Variants in NOS1AP observed in about 807,000 individuals in gnomAD.
NOS1AP encodes nitric oxide synthase 1 adaptor protein.
A neutral mutation model predicts 56.2 loss-of-function variants in NOS1AP; 21 were observed. The observed-to-expected ratio is 0.37, with a 90% CI of 0.26 to 0.54. The LOEUF is 0.54. NOS1AP is among the 20% of genes least tolerant of loss of function. NOS1AP has a pLI of 0.84. For missense variants in NOS1AP, 522 were observed against 657.8 expected (o/e 0.79, Z 2.26); for synonymous variants, 270 against 274.6 (o/e 0.98, Z 0.17).
At chr1:162,348,885 C>T (rs1657391818) in intron 6 of NOS1AP, among the ~76,000 whole-genome samples, 1 of 152,178 alleles carries the variant, frequency 6.6e-6, no homozygotes, top group Admixed American at 6.5e-5. Flanking sequence ...GGCCTTTGCT[C>T]TATTAAGACC....
At chr1:162,354,582 C>T (rs1371503505) in intron 6 of NOS1AP, among the ~76,000 whole-genome samples, 1 of 152,206 alleles carries the variant, frequency 6.6e-6, no homozygotes, top group African/African-American at 2.4e-5. Flanking sequence ...CGTGCCACTT[C>T]CTGCAGGCGT....
At chr1:162,094,164 A>T (rs1337060) in intron 1 of NOS1AP, among the ~76,000 whole-genome samples, 94,718 of 151,988 alleles carry the variant, frequency 0.62, 29,871 homozygotes, top group Non-Finnish European at 0.67. Flanking sequence ...AGGAGTGAGT[A>T]GTTACCCTCT....
In NOS1AP at chr1:162,367,822, T is replaced by G; in HGVS notation, c.*355T>G. The G allele has an allele frequency of 1.2e-5, 3 of 253,432 alleles. No homozygotes were observed. The highest frequency in any genetic ancestry group is 2.2e-5 in the African/African-American group (1 of 45,386). 15.7% of individuals were successfully genotyped at this position (253,432 alleles called of 1,614,324 possible). On this transcript the variant is annotated 3_prime_UTR_variant, in exon 10 of 10. Coordinates refer to ENST00000361897, the MANE Select transcript of NOS1AP (RefSeq NM_014697.3). The surrounding 1 kb of genome is among the most constrained non-coding windows in gnomAD (Gnocchi z 6.5). ...TCAGGCTCCCACGCTTTGTCCGTGA[T>G]GCCCCCCTACCCCCTCACTCTCCCC...
intron 2 of NOS1AP, among the ~76,000 whole-genome samples, chr1:162,201,590 C>G (rs1039175801): frequency 2.6e-5 from 4 of 152,152 alleles, no homozygotes; most frequent in African/African-American, 9.7e-5. Context: ...GTTCCTTTTT[C>G]TCTGCAACCT....
chr1:162,238,988 A>G (rs532811171), intron 2 of NOS1AP, among the ~76,000 whole-genome samples: 2 of 152,360 alleles, frequency 1.3e-5, no homozygotes, highest in East Asian at 3.9e-4. Flanking sequence ...CTGTAGACCT[A>G]TTCCTAGAGG....
At chr1:162,255,239 G>C (rs1280795160) in intron 2 of NOS1AP, among the ~76,000 whole-genome samples, 1 of 152,250 alleles carries the variant, frequency 6.6e-6, no homozygotes, top group African/African-American at 2.4e-5. Context: ...TTGTTTTATA[G>C]ATTGGTCACT....
intron 1 of NOS1AP, among the ~76,000 whole-genome samples, chr1:162,144,402 T>G (rs893220521): frequency 3.3e-5 from 5 of 152,204 alleles, no homozygotes; most frequent in African/African-American, 4.8e-5. Flanking sequence ...TTAGATCAAA[T>G]CACATTCGAG....
chr1:162,137,031 C>T (rs1313070482), intron 1 of NOS1AP, among the ~76,000 whole-genome samples: 1 of 152,156 alleles, frequency 6.6e-6, no homozygotes, highest in African/African-American at 2.4e-5. Context: ...GGTACTTGAT[C>T]TCTGAATTTC....
At chr1:162,145,528 ATGC>A (rs1442961511) in intron 1 of NOS1AP, among the ~76,000 whole-genome samples, 1 of 152,116 alleles carries the variant, frequency 6.6e-6, no homozygotes, top group Non-Finnish European at 1.5e-5. Flanking sequence ...GCTGCAGTTA[ATGC>A]TGCTTTGTTC....
At chr1:162,081,774 A>ATATATATTTTTTTTTTTTTTTTTTTTTT in intron 1 of NOS1AP, among the ~76,000 whole-genome samples, 16 of 44,054 alleles carry the variant, frequency 3.6e-4, no homozygotes, top group African/African-American at 1.2e-3. Context: ...ATATATATAT[A>ATATATATTTTTTTTTTTTTTTTTTTTTT]TTTTTTTTTT....
At chr1:162,213,390 A>G (rs1216717902) in intron 2 of NOS1AP, among the ~76,000 whole-genome samples, 4 of 152,070 alleles carry the variant, frequency 2.6e-5, no homozygotes, top group African/African-American at 9.7e-5. Context: ...GCATTGAGGG[A>G]GGAGACTCTC....
chr1:162,149,033 G>A (rs899808082), intron 1 of NOS1AP, among the ~76,000 whole-genome samples: 2 of 152,198 alleles, frequency 1.3e-5, no homozygotes, highest in African/African-American at 4.8e-5. Context: ...GGAGGAACAT[G>A]ACATGGGAGA....
chr1:162,171,718 T>G (rs1650792071), intron 2 of NOS1AP, among the ~76,000 whole-genome samples: 1 of 152,050 alleles, frequency 6.6e-6, no homozygotes, highest in Non-Finnish European at 1.5e-5. Context: ...TGAACTCATC[T>G]CCTCTCACCT....
chr1:162,338,270 A>G (rs1657003336), intron 5 of NOS1AP, among the ~76,000 whole-genome samples: 1 of 152,232 alleles, frequency 6.6e-6, no homozygotes, highest in East Asian at 1.9e-4. Context: ...AGGAGGGGAC[A>G]GGGGAATAGT....
chr1:162,345,041 A>G (rs1361903473), intron 6 of NOS1AP, among the ~76,000 whole-genome samples: 1 of 152,214 alleles, frequency 6.6e-6, no homozygotes, highest in Non-Finnish European at 1.5e-5. Context: ...AAAAAATCTT[A>G]AACAAATGGA....
intron 1 of NOS1AP, among the ~76,000 whole-genome samples, chr1:162,125,130 CT>C (rs56264198): frequency 0.013 from 1,630 of 124,126 alleles, 23 homozygotes; most frequent in South Asian, 0.03. Context: ...GTTTCTGACT[CT>C]TTTTTTTTTT....
intron 1 of NOS1AP, among the ~76,000 whole-genome samples, chr1:162,125,487 A>G (rs989691894): frequency 1.4e-4 from 21 of 152,024 alleles, no homozygotes; most frequent in Non-Finnish European, 4.4e-5. Flanking sequence ...ATTCTTCTCT[A>G]CTTGTGGCTG....
At chr1:162,156,093 T>C (rs1255634258) in intron 2 of NOS1AP, among the ~76,000 whole-genome samples, 1 of 152,238 alleles carries the variant, frequency 6.6e-6, no homozygotes, top group East Asian at 1.9e-4. Flanking sequence ...ATCAGCCTAA[T>C]AAAATCTTTT....
At chr1:162,201,665 T>G (rs1333755890) in intron 2 of NOS1AP, among the ~76,000 whole-genome samples, 2 of 152,250 alleles carry the variant, frequency 1.3e-5, no homozygotes, top group Non-Finnish European at 2.9e-5. Context: ...AGATGGTATC[T>G]CATTGTGGTT....
Sources: gnomAD v4.1 joint callset for allele counts (sites outside exome capture counted in the v4.1 genomes callset) on GRCh38, gnomAD v4.1.1 for gene constraint, Gnocchi (gnomAD v3.1) non-coding constraint, MANE v1.5 for transcripts, NCBI Gene and HGNC (gene_info 2026-07-23, HGNC 2026-07-21) for gene names.